Variants in NRP1 observed in about 807,000 individuals in gnomAD.
NRP1 encodes the protein neuropilin 1.
Under a neutral mutation model 106.7 loss-of-function variants are expected in NRP1, and 35 were observed. The observed-to-expected ratio is 0.33, with a 90% CI of 0.25 to 0.43. The LOEUF is 0.43. Among genes scored for constraint, NRP1 ranks in the 20% least tolerant of loss-of-function variants. The pLI is 1.00. For synonymous variants in NRP1, 437 were observed against 417.9 expected (o/e 1.05, Z -0.56); for missense variants, 1,024 against 1,170.4 (o/e 0.87, Z 1.83).
Position 33,256,397 on chromosome 10 carries a change from T to C in NRP1, c.733A>G (p.Met245Val), listed in dbSNP as rs375021532. 3.1e-6 allele frequency: 5 copies of C among 1,614,076 alleles called. No individual in the cohort carries two copies. The highest frequency in any genetic ancestry group is 2.7e-5 in the African/African-American group (2 of 74,920). The change falls in exon 5 of 17, where the codon ATG becomes GTG. Residue 245 changes from methionine (M) to valine (V), a missense_variant. Around this residue, in one of 5 missense-constraint regions of NRP1, gnomAD observed 279 missense variants for 327.4 expected, o/e 0.85. Coordinates refer to ENST00000374867, the MANE Select transcript of NRP1 (RefSeq NM_003873.7). ...RIRSSSGILS[M>V]VFYTDSAIAK... ...ATCGCGCTGTCGGTGTAAAAAACCA[T>C]GGAGAGAATGCCCGATGAGGATCGG...
At chr10:33,300,595 A>G (rs1262962127) in intron 2 of NRP1, among the ~76,000 whole-genome samples, 3 of 152,196 alleles carry the variant, frequency 2.0e-5, no homozygotes, top group Non-Finnish European at 4.4e-5. Context: ...ACTAAGCTAA[A>G]GGGAAAGGTG....
intron 2 of NRP1, among the ~76,000 whole-genome samples, chr10:33,281,041 T>TGC (rs1411655486): frequency 7.3e-6 from 1 of 137,824 alleles, no homozygotes; most frequent in Non-Finnish European, 1.6e-5. Flanking sequence ...CTCCACTCCC[T>TGC]GCAGCCTTCC....
chr10:33,181,545 A>C (rs1210581356), intron 16 of NRP1, among the ~76,000 whole-genome samples: 1 of 152,212 alleles, frequency 6.6e-6, no homozygotes, highest in African/African-American at 2.4e-5. Flanking sequence ...GTGATGGTGG[A>C]GCAAGTGTCC....
chr10:33,253,615 TAAACAGGATTC>T (rs2133172166), intron 6 of NRP1, among the ~76,000 whole-genome samples: 1 of 152,218 alleles, frequency 6.6e-6, no homozygotes, highest in East Asian at 1.9e-4. Flanking sequence ...TACACGTCTA[TAAACAGGATTC>T]ATATATTTCA....
chr10:33,309,799 A>G (rs1846440130), intron 2 of NRP1, among the ~76,000 whole-genome samples: 1 of 152,166 alleles, frequency 6.6e-6, no homozygotes, highest in Non-Finnish European at 1.5e-5. Flanking sequence ...GTCAATTTCT[A>G]CAGCTTTAGC....
chr10:33,297,332 C>T lies in NRP1; in HGVS notation c.249-26476G>A, dbSNP rs76539396. 7.6e-3 allele frequency among the ~76,000 whole-genome samples: 1,163 copies of T among 152,278 alleles called. 22 individuals are homozygous for T. Among genetic ancestry groups the T allele is most frequent in the African/African-American group, 0.027 (1,115 of 41,558 alleles). ...TTCTTTAGATTTGGATGGAATATAA[C>T]GATTCTGGAACATTACTGGGGCCTC... is the stretch of plus-strand genomic sequence containing the variant. On this transcript the variant is annotated intron_variant, in intron 2 of 16. Coordinates refer to ENST00000374867, the MANE Select transcript of NRP1 (RefSeq NM_003873.7).
chr10:33,190,521 T>A (rs1290024454), intron 13 of NRP1, among the ~76,000 whole-genome samples: 1 of 152,188 alleles, frequency 6.6e-6, no homozygotes, highest in Non-Finnish European at 1.5e-5. Context: ...TTCAACCTAT[T>A]TAATGGTTAT....
At chr10:33,331,119 C>G (rs149821869) in intron 1 of NRP1, among the ~76,000 whole-genome samples, 3 of 152,274 alleles carry the variant, frequency 2.0e-5, no homozygotes, top group South Asian at 2.1e-4. Flanking sequence ...CTCTTCCCCC[C>G]AGCCCCGAAG....
chr10:33,278,138 A>T (rs748585432), intron 2 of NRP1, among the ~76,000 whole-genome samples: 1 of 150,276 alleles, frequency 6.7e-6, no homozygotes, highest in Non-Finnish European at 1.5e-5. Context: ...GTGTAAGGTG[A>T]TTTTTTTTTT....
intron 7 of NRP1, among the ~76,000 whole-genome samples, chr10:33,224,396 T>A (rs1839493764): frequency 6.6e-6 from 1 of 152,130 alleles, no homozygotes; most frequent in African/African-American, 2.4e-5. Context: ...ATAGCCCGTA[T>A]GGTTTTTTTT....
chr10:33,238,428 G>A (rs1282628589), intron 6 of NRP1, among the ~76,000 whole-genome samples: 2 of 152,228 alleles, frequency 1.3e-5, no homozygotes, highest in African/African-American at 4.8e-5. Flanking sequence ...AGTGTGGAGA[G>A]AACTTCATGG....
At chr10:33,218,706 C>T (rs1838985470) in intron 8 of NRP1, among the ~76,000 whole-genome samples, 1 of 152,062 alleles carries the variant, frequency 6.6e-6, no homozygotes, top group African/African-American at 2.4e-5. Context: ...AAACTTGGGG[C>T]TTTAGTGGCT....
At chr10:33,213,972 C>A (rs994518277) in intron 8 of NRP1, among the ~76,000 whole-genome samples, 2 of 152,162 alleles carry the variant, frequency 1.3e-5, no homozygotes, top group East Asian at 1.9e-4. Flanking sequence ...GCTTTGACAT[C>A]TTCTAAGTTT....
chr10:33,256,566 C>A, intron 4 of NRP1, 95 bp from the exon 5 acceptor site: 1 of 1,379,004 alleles, frequency 7.3e-7, no homozygotes. Flanking sequence ...CAGTAGAACC[C>A]AGAAGTGTTT....
intron 13 of NRP1, among the ~76,000 whole-genome samples, chr10:33,191,977 CAAAAAAAA>C (rs58214479): frequency 2.8e-5 from 2 of 71,716 alleles, no homozygotes; most frequent in African/African-American, 8.1e-5. Flanking sequence ...GACTCCATTT[CAAAAAAAA>C]AAAAAAAAAA....
intron 8 of NRP1, among the ~76,000 whole-genome samples, chr10:33,218,461 T>G (rs12359013): frequency 0.28 from 42,445 of 151,292 alleles, 6,332 homozygotes; most frequent in East Asian, 0.62. Flanking sequence ...TTCTCCTGCC[T>G]CAGCCTTCTG....
At chr10:33,267,682 A>C (rs901531041) in intron 3 of NRP1, among the ~76,000 whole-genome samples, 9 of 152,118 alleles carry the variant, frequency 5.9e-5, no homozygotes, top group Non-Finnish European at 1.2e-4. Context: ...GGATGGGAAC[A>C]GAGATCAGTG....
intron 15 of NRP1, among the ~76,000 whole-genome samples, chr10:33,183,724 TATGA>T (rs1835832224): frequency 6.6e-6 from 1 of 152,256 alleles, no homozygotes; most frequent in Non-Finnish European, 1.5e-5. Flanking sequence ...TTGTTCTATG[TATGA>T]ATGAATGAAA....
chr10:33,276,125 T>C (rs1427777442), intron 2 of NRP1, among the ~76,000 whole-genome samples: 1 of 152,204 alleles, frequency 6.6e-6, no homozygotes. Context: ...TGTTCCTTAT[T>C]CATTTCTGTA....
Sources: gnomAD v4.1 joint callset for allele counts (sites outside exome capture counted in the v4.1 genomes callset) on GRCh38, gnomAD v4.1.1 for gene constraint, gnomAD v4.1.1 regional missense constraint, MANE v1.5 for transcripts, NCBI Gene and HGNC (gene_info 2026-07-23, HGNC 2026-07-21) for gene names.